Variants in ITGA11 observed in about 807,000 individuals in gnomAD.
ITGA11 encodes integrin subunit alpha 11, also known as integrin alpha-11.
A neutral mutation model predicts 141.9 loss-of-function variants in ITGA11; 97 were observed. That is an observed-to-expected ratio of 0.68 (90% confidence interval 0.58 to 0.81). The LOEUF (loss-of-function observed/expected upper bound fraction) is 0.81, where lower values mean the gene tolerates loss of function less well. Ranked by LOEUF, ITGA11 falls within the 30% of genes least tolerant of loss-of-function variation. The pLI, the probability that ITGA11 is intolerant of heterozygous loss-of-function variation, is 0.00. For synonymous variants in ITGA11, 658 were observed against 624.6 expected (o/e 1.05, Z -0.80); for missense variants, 1,387 against 1,559.2 (o/e 0.89, Z 1.86).
intron 10 of ITGA11, among the ~76,000 whole-genome samples, chr15:68,348,269 AGC>A (rs1319433545): frequency 1.3e-5 from 2 of 152,228 alleles, no homozygotes; most frequent in East Asian, 3.9e-4. Flanking sequence ...AATCTGATGC[AGC>A]ACCCACACAG....
chr15:68,358,910 T>C (rs535745839), intron 5 of ITGA11, among the ~76,000 whole-genome samples: 14 of 152,208 alleles, frequency 9.2e-5, no homozygotes, highest in Non-Finnish European at 2.1e-4. Flanking sequence ...TACCTTGGTA[T>C]TGTTTGTTTT....
chr15:68,407,700 G>A (rs117646545), intron 1 of ITGA11, among the ~76,000 whole-genome samples: 134 of 152,254 alleles, frequency 8.8e-4, no homozygotes, highest in Non-Finnish European at 1.2e-3. Flanking sequence ...CCAAAGTTAC[G>A]TCAACTGTTG....
chr15:68,430,146 C>G (rs1897236060), intron 1 of ITGA11, among the ~76,000 whole-genome samples: 1 of 152,202 alleles, frequency 6.6e-6, no homozygotes, highest in Non-Finnish European at 1.5e-5. Context: ...ACTGACCAGA[C>G]ATAACTCAGG....
intron 21 of ITGA11, among the ~76,000 whole-genome samples, 179 bp from the exon 22 acceptor site, chr15:68,315,906 G>A (rs1893558054): frequency 6.6e-6 from 1 of 152,226 alleles, no homozygotes; most frequent in African/African-American, 2.4e-5. Flanking sequence ...CATGAGCTGA[G>A]CTTCAGGGCT....
At position 68,328,624 on chromosome 15, in the gene ITGA11, A is replaced by C. The variant is rs1317104405; in HGVS notation, c.1902-362T>G. 6.6e-6 allele frequency among the ~76,000 whole-genome samples: 1 copy of C among 152,164 alleles called. No homozygotes were observed. The highest frequency in any genetic ancestry group is 6.5e-5 in the Admixed American group (1 of 15,282). On this transcript the variant is annotated intron_variant, in intron 15 of 29. Transcript: ENST00000315757. The surrounding 1 kb of genome is among the most constrained non-coding windows in gnomAD (Gnocchi z 4.8). ...CACATGTGAGTCATCTGAAGAGCTTAAAAAAATCCTGGTGCCTCAGCTACA... is the reference window on the plus strand; with the variant it reads ...CACATGTGAGTCATCTGAAGAGCTTCAAAAAATCCTGGTGCCTCAGCTACA...
chr15:68,354,200 C>T (rs921633220), intron 7 of ITGA11, among the ~76,000 whole-genome samples: 12 of 152,138 alleles, frequency 7.9e-5, no homozygotes, highest in Non-Finnish European at 1.8e-4. Flanking sequence ...CTGCCCCTCT[C>T]TCTAGAATGT....
rs1893122920 is a variant in ITGA11 at position 68,304,327 on chromosome 15, G to A, written c.3382-442C>T. 6.6e-6 allele frequency among the ~76,000 whole-genome samples: 1 copy of A among 152,146 alleles called. No individual in the cohort carries two copies. Among genetic ancestry groups the A allele is most frequent in the African/African-American group, 2.4e-5 (1 of 41,410 alleles). Reference sequence around the variant, plus strand: ...CTTTCCCACGAGTCACAGTAGTCATGGTGCCAAGGCCCATAACACTTTTAG... The same window carrying A: ...CTTTCCCACGAGTCACAGTAGTCATAGTGCCAAGGCCCATAACACTTTTAG... On this transcript the variant is annotated intron_variant, in intron 28 of 29. Transcript: ENST00000315757. The surrounding 1 kb of genome is among the most constrained non-coding windows in gnomAD (Gnocchi z 6.1).
intron 1 of ITGA11, among the ~76,000 whole-genome samples, chr15:68,428,404 C>A (rs1005194691): frequency 6.6e-6 from 1 of 152,076 alleles, no homozygotes; most frequent in Non-Finnish European, 1.5e-5. Flanking sequence ...GGGCTCACAG[C>A]CCTGTGTGGA....
chr15:68,370,033 G>T (rs912241115), intron 2 of ITGA11, among the ~76,000 whole-genome samples: 5 of 152,152 alleles, frequency 3.3e-5, no homozygotes, highest in Non-Finnish European at 5.9e-5. Context: ...AGGAGATGCT[G>T]CCCCAAGCCA....
At position 68,322,176 on chromosome 15, in the gene ITGA11, C is replaced by A. The variant is rs1458011342; in HGVS notation, c.2323-673G>T. The stretch of plus-strand genomic sequence containing the variant: ...GTCAGTGTTGCTGTGGTAAGAGACA[C>A]AGGGGTGGGAGAGAGGAAGAGATGG... On this transcript the variant is annotated intron_variant, in intron 18 of 29. Transcript: ENST00000315757. The surrounding 1 kb of genome is among the most constrained non-coding windows in gnomAD (Gnocchi z 5.6). 6.6e-6 allele frequency among the ~76,000 whole-genome samples: 1 copy of A among 152,224 alleles called. No individual in the cohort carries two copies. The highest frequency in any genetic ancestry group is 1.9e-4 in the East Asian group (1 of 5,176).
At position 68,307,654 on chromosome 15, in the gene ITGA11, G is replaced by A. The variant is rs371549494; in HGVS notation, c.3217C>T (p.Arg1073Trp). 1.5e-5 allele frequency: 24 copies of A among 1,613,622 alleles called. No individual in the cohort carries two copies. The highest frequency in any genetic ancestry group is 1.3e-4 in the East Asian group (6 of 44,896). Reference sequence around the variant, plus strand: ...TTGATTTCCTGGTTGGGGACCAGCCGTATATTGCAGTTGATGGAGACGACA... The same window carrying A: ...TTGATTTCCTGGTTGGGGACCAGCCATATATTGCAGTTGATGGAGACGACA... ...SDVVSINCNIRLVPNQEINFH... is the reference protein window; with the variant it reads ...SDVVSINCNIWLVPNQEINFH... Residue 1073 changes from arginine (R) to tryptophan (W), a missense_variant, in exon 27 of 30, where the codon CGG becomes TGG. Arg to Trp is a moderately radical substitution (Grantham distance 101, BLOSUM62 -3). Transcript: ENST00000315757. This position sits in a 1 kb window ranked among gnomAD's most constrained non-coding sequence, Gnocchi z 6.1.
At chr15:68,346,006 A>T (rs1894732645) in intron 10 of ITGA11, among the ~76,000 whole-genome samples, 1 of 152,216 alleles carries the variant, frequency 6.6e-6, no homozygotes, top group Non-Finnish European at 1.5e-5. Context: ...AAAGAGTCTC[A>T]GATTCAAATG....
Position 68,351,265 on chromosome 15 carries a change from G to T in ITGA11, c.887C>A (p.Ala296Glu), listed in dbSNP as rs775977138. 1 of 1,613,884 alleles carries T rather than the reference G, an allele frequency of 6.2e-7. No homozygotes were observed. The highest frequency in any genetic ancestry group is 1.7e-5 in the Admixed American group (1 of 60,020). The change falls in exon 8 of 30, where the codon GCG becomes GAG. Residue 296 changes from alanine (A) to glutamate (E), a missense_variant. Physicochemically the swap from Ala to Glu is moderately radical, Grantham distance 107. Coordinates refer to ENST00000315757, the MANE Select transcript of ITGA11 (RefSeq NM_001004439.2). ...GGGCGGGCCAGGACTTACGGCCACC[G>T]CATATCTTGTTACGTTGTCTCTTTC... ...QSERDNVTRYAVAVLGYYNRR... is the reference protein window; with the variant it reads ...QSERDNVTRYEVAVLGYYNRR...
At position 68,352,734 on chromosome 15, in the gene ITGA11, T is replaced by C. The variant is rs899133330; in HGVS notation, c.750-1332A>G. Among the ~76,000 whole-genome samples the C allele has an allele frequency of 8.5e-5, 13 of 152,360 alleles. No individual in the cohort carries two copies. In the East Asian group the frequency reaches 2.3e-3, roughly 27 times the overall value. On this transcript the variant is annotated intron_variant, in intron 7 of 29. Coordinates refer to ENST00000315757, the MANE Select transcript of ITGA11 (RefSeq NM_001004439.2). ...CTCTTTCTCACTTTTTATTTTGTTT[T>C]CAGTGCCCAGAGCATGAGCTCAGCC...
At chr15:68,413,615 G>A (rs898578) in intron 1 of ITGA11, among the ~76,000 whole-genome samples, 152,286 of 152,330 alleles carry the variant, frequency 1, 76,121 homozygotes, top group Non-Finnish European at 1. Flanking sequence ...GAGAGCCCCG[G>A]TGCCTCTCTG....
In ITGA11 at chr15:68,328,411, A is replaced by G; in HGVS notation, c.1902-149T>C. The G allele has an allele frequency of 2.3e-6, 1 of 432,790 alleles. No individual in the cohort carries two copies. The highest frequency in any genetic ancestry group is 4.2e-6 in the Non-Finnish European group (1 of 239,982). The allele number at this position is 432,790 out of a possible 1,614,324, so 26.8% of individuals were successfully genotyped here. A position where few individuals can be genotyped will look rare whatever the true frequency, so the allele number is the denominator to read the frequency against. ...GAGGATGGAGGGGGCGAGGTGGAGG[A>G]TGGAGGGGGCTTCGGATGTCAAAGG... is the stretch of plus-strand genomic sequence containing the variant. On this transcript the variant is annotated intron_variant, in intron 15 of 29. Coordinates refer to ENST00000315757, the MANE Select transcript of ITGA11 (RefSeq NM_001004439.2). The surrounding 1 kb of genome is among the most constrained non-coding windows in gnomAD (Gnocchi z 4.8).
intron 10 of ITGA11, among the ~76,000 whole-genome samples, chr15:68,346,221 T>C (rs569777642): frequency 1.4e-4 from 21 of 152,240 alleles, no homozygotes; most frequent in Non-Finnish European, 2.2e-4. Flanking sequence ...AGTCATGACC[T>C]TGACGTGACC....
chr15:68,375,667 C>T (rs1895710416), intron 2 of ITGA11, among the ~76,000 whole-genome samples: 1 of 152,192 alleles, frequency 6.6e-6, no homozygotes, highest in South Asian at 2.1e-4. Flanking sequence ...GAGAGCCCCT[C>T]TGTTTGCACA....
chr15:68,326,944 A>T lies in ITGA11; in HGVS notation c.2069-148T>A, dbSNP rs1343384772. 4 of 803,096 alleles carry T rather than the reference A, an allele frequency of 5.0e-6. No homozygotes were observed. In the African/African-American group the frequency reaches 7.0e-5, roughly 14 times the overall value. The allele number at this position is 803,096 out of a possible 1,614,324, so 49.7% of individuals were successfully genotyped here. On this transcript the variant is annotated intron_variant, in intron 16 of 29. Coordinates refer to ENST00000315757, the MANE Select transcript of ITGA11 (RefSeq NM_001004439.2). This position sits in a 1 kb window ranked among gnomAD's most constrained non-coding sequence, Gnocchi z 6.8. The stretch of plus-strand genomic sequence containing the variant: ...CCCAGTGTGGGTGAGAAACTCCCAC[A>T]TGGAGAGCAAGTGATTGCATGAGGA...
Sources: allele counts gnomAD v4.1 joint callset (sites outside exome capture counted in the v4.1 genomes callset), GRCh38; gene constraint gnomAD v4.1.1; non-coding constraint Gnocchi (gnomAD v3.1); transcripts MANE v1.5; gene names NCBI Gene and HGNC (gene_info 2026-07-23, HGNC 2026-07-21).